Variants in TRIM2 observed in about 807,000 individuals in gnomAD.
TRIM2 encodes the protein tripartite motif-containing protein 2.
In TRIM2, 20 loss-of-function variants were observed where a neutral mutation model predicts 75.2. The observed-to-expected ratio is 0.27, with a 90% CI of 0.19 to 0.39. TRIM2 has a LOEUF of 0.39. Among genes scored for constraint, TRIM2 ranks in the 10% least tolerant of loss-of-function variants. The pLI is 1.00. For missense variants in TRIM2, 660 were observed against 990.8 expected, an observed-to-expected ratio of 0.67 and a Z score of 4.48; for synonymous variants, 373 against 388.3, an observed-to-expected ratio of 0.96 and a Z score of 0.46.
At chr4:153,174,604 G>C (rs1731224929) in intron 1 of TRIM2, among the ~76,000 whole-genome samples, 1 of 152,190 alleles carries the variant, frequency 6.6e-6, no homozygotes, top group African/African-American at 2.4e-5. Context: ...CCTGAGAGCA[G>C]GGCGGTGATT....
intron 1 of TRIM2, among the ~76,000 whole-genome samples, chr4:153,246,301 TG>T (rs1277737940): frequency 3.9e-5 from 6 of 152,154 alleles, no homozygotes. Flanking sequence ...AGAGAGGTGG[TG>T]TAATTTGGCC....
intron 1 of TRIM2, among the ~76,000 whole-genome samples, chr4:153,261,574 C>G (rs932793499): frequency 1.3e-5 from 2 of 152,086 alleles, no homozygotes; most frequent in Non-Finnish European, 2.9e-5. Flanking sequence ...GACCTCTTAC[C>G]CACAAATCAC....
intron 1 of TRIM2, among the ~76,000 whole-genome samples, chr4:153,247,677 CAAAAAAAAAAA>C (rs1183914263): frequency 2.5e-5 from 2 of 79,538 alleles, no homozygotes; most frequent in African/African-American, 9.1e-5. Context: ...GACTCTGTCT[CAAAAAAAAAAA>C]AAAAAAAAAA....
In TRIM2 at chr4:153,248,948, T is replaced by G. The variant is rs546340479; in HGVS notation, c.31-21387T>G. 7.0e-4 allele frequency among the ~76,000 whole-genome samples: 107 copies of G among 152,342 alleles called. No individual in the cohort carries two copies. The highest frequency in any genetic ancestry group is 1.3e-3 in the Non-Finnish European group (88 of 68,040). On this transcript the variant is annotated intron_variant, in intron 1 of 11. Coordinates refer to ENST00000338700, the MANE Select transcript of TRIM2 (RefSeq NM_015271.5). The surrounding 1 kb of genome is among the most constrained non-coding windows in gnomAD (Gnocchi z 4.0). ...CCACCCCCAGCATGGGCGCATCGGC[T>G]TAGAACCCTCCAGGGTTAGCAGGCA... is the stretch of plus-strand genomic sequence containing the variant.
rs567259580 is a variant in TRIM2 at position 153,316,842 on chromosome 4, A to G, written c.1782+843A>G. 2.4e-3 allele frequency among the ~76,000 whole-genome samples: 349 copies of G among 147,470 alleles called. 3 individuals carry two copies. The highest frequency in any genetic ancestry group is 8.5e-3 in the African/African-American group (332 of 38,996). ...AAAAAAATTGTGAGACACGTCGTCAAAGATCTTTGTAAGGGCCATTTGCAT... is the reference window on the plus strand; with the variant it reads ...AAAAAAATTGTGAGACACGTCGTCAGAGATCTTTGTAAGGGCCATTTGCAT... On this transcript the variant is annotated intron_variant, in intron 8 of 11. Transcript: ENST00000338700.
chr4:153,174,797 A>G (rs1731244331), intron 1 of TRIM2, among the ~76,000 whole-genome samples: 1 of 152,252 alleles, frequency 6.6e-6, no homozygotes, highest in South Asian at 2.1e-4. Context: ...CTTGCCATAA[A>G]GACAGGTGAG....
In TRIM2 at chr4:153,335,962, TTAA is replaced by T; in HGVS notation, c.*998_*1000del. 1.0e-6 allele frequency: 1 copy of T among 985,872 alleles called. No homozygotes were observed. 61.1% of individuals were successfully genotyped at this position (985,872 alleles called of 1,614,324 possible). On this transcript the variant is annotated 3_prime_UTR_variant, in exon 12 of 12. Transcript: ENST00000338700. Reference sequence around the variant, plus strand: ...GTGTCAACCAAAGGCATGTGATTGATTAATGATTCCCCCTTAGAAAGCAAGTGT... The same window carrying T: ...GTGTCAACCAAAGGCATGTGATTGATTGATTCCCCCTTAGAAAGCAAGTGT...
intron 1 of TRIM2, among the ~76,000 whole-genome samples, chr4:153,155,529 G>C (rs995010968): frequency 8.5e-5 from 13 of 152,178 alleles, no homozygotes; most frequent in Non-Finnish European, 1.9e-4. Context: ...CTTCGTTACT[G>C]TCAAATGTGT....
At chr4:153,334,369 C>CT (rs1398082704) in intron 11 of TRIM2, among the ~76,000 whole-genome samples, 1 of 147,696 alleles carries the variant, frequency 6.8e-6, no homozygotes, top group Non-Finnish European at 1.5e-5. Flanking sequence ...TACTTAAGTG[C>CT]TTTTTTGTTT....
At chr4:153,186,785 T>C (rs1732641853) in intron 1 of TRIM2, among the ~76,000 whole-genome samples, 1 of 152,086 alleles carries the variant, frequency 6.6e-6, no homozygotes, top group South Asian at 2.1e-4. Context: ...AAAAGCCTGC[T>C]CCTCTAGACC....
At chr4:153,296,235 G>A (rs1308391843) in intron 6 of TRIM2, among the ~76,000 whole-genome samples, 199 bp downstream of exon 6, 1 of 151,970 alleles carries the variant, frequency 6.6e-6, no homozygotes, top group African/African-American at 2.4e-5. Context: ...CTTCTCCTCC[G>A]CCTCTAGTCT....
chr4:153,157,082 A>T (rs1235476762), intron 1 of TRIM2: 1 of 152,332 alleles, frequency 6.6e-6, no homozygotes, highest in Non-Finnish European at 1.5e-5. Flanking sequence ...AAGGTGGCAG[A>T]GATGTGGCGC....
intron 1 of TRIM2, among the ~76,000 whole-genome samples, chr4:153,227,338 G>A (rs1421831424): frequency 2.0e-5 from 3 of 152,156 alleles, no homozygotes; most frequent in Non-Finnish European, 4.4e-5. Flanking sequence ...GTGGCCCTGG[G>A]TAGCGCCAAA....
At chr4:153,323,269 G>A (rs1248467437) in intron 9 of TRIM2, among the ~76,000 whole-genome samples, 3 of 152,112 alleles carry the variant, frequency 2.0e-5, no homozygotes, top group East Asian at 3.8e-4. Flanking sequence ...TCTGTTTTAC[G>A]TCTCTTTGGT....
intron 1 of TRIM2, among the ~76,000 whole-genome samples, chr4:153,269,252 C>T (rs186288414): frequency 2.6e-4 from 40 of 152,222 alleles, no homozygotes; most frequent in African/African-American, 7.7e-4. Flanking sequence ...CAATATATTG[C>T]GGAGAACTGC....
At chr4:153,244,179 T>A (rs142088234) in intron 1 of TRIM2, among the ~76,000 whole-genome samples, 1 of 138,420 alleles carries the variant, frequency 7.2e-6, no homozygotes. Flanking sequence ...TTCTTCTTCT[T>A]CTCCTCCTTC....
intron 1 of TRIM2, among the ~76,000 whole-genome samples, chr4:153,243,086 T>C (rs556956870): frequency 6.6e-6 from 1 of 152,338 alleles, no homozygotes; most frequent in East Asian, 1.9e-4. Context: ...AACACACCTC[T>C]GATTCTATGA....
chr4:153,296,717 G>A (rs1762852276), intron 6 of TRIM2, among the ~76,000 whole-genome samples: 1 of 152,162 alleles, frequency 6.6e-6, no homozygotes, highest in South Asian at 2.1e-4. Context: ...CTGATTTATG[G>A]TCTCTCTCTT....
At chr4:153,225,945 A>G (rs145593889) in intron 1 of TRIM2, among the ~76,000 whole-genome samples, 105 of 152,324 alleles carry the variant, frequency 6.9e-4, no homozygotes, top group Non-Finnish European at 1.2e-3. Flanking sequence ...ATCATGGTTC[A>G]CAGCATCTTC....
Sources: gnomAD v4.1 joint callset for allele counts (sites outside exome capture counted in the v4.1 genomes callset) on GRCh38, gnomAD v4.1.1 for gene constraint, Gnocchi (gnomAD v3.1) non-coding constraint, MANE v1.5 for transcripts, NCBI Gene and HGNC (gene_info 2026-07-23, HGNC 2026-07-21) for gene names.